FRMD4B: variants seen among roughly 807,000 people sequenced by gnomAD.
The protein encoded by FRMD4B is FERM domain containing 4B.
A neutral mutation model predicts 141.5 loss-of-function variants in FRMD4B; 74 were observed. The ratio of observed to expected loss-of-function variants is 0.52; its 90% CI spans 0.43 to 0.63. FRMD4B has a LOEUF of 0.63. Among genes scored for constraint, FRMD4B ranks in the 30% least tolerant of loss-of-function variants. The pLI, the probability that FRMD4B is intolerant of heterozygous loss-of-function variation, is 0.00. For synonymous variants in FRMD4B, 506 were observed against 467.9 expected (o/e 1.08, Z -1.05); for missense variants, 1,366 against 1,253.4 (o/e 1.09, Z -1.36).
At chr3:69,452,153 T>C (rs779699106) in intron 1 of FRMD4B, among the ~76,000 whole-genome samples, 9 of 152,264 alleles carry the variant, frequency 5.9e-5, no homozygotes, top group Admixed American at 6.5e-5. Context: ...ATTTACTAAG[T>C]GCCAGCCATG....
intron 1 of FRMD4B, among the ~76,000 whole-genome samples, chr3:69,448,312 G>A (rs746631523): frequency 6.6e-6 from 1 of 152,206 alleles, no homozygotes; most frequent in African/African-American, 2.4e-5. Context: ...TTACAGGCGT[G>A]AGACACCACG....
chr3:69,366,052 C>T (rs1272310752), intron 1 of FRMD4B, among the ~76,000 whole-genome samples: 1 of 138,342 alleles, frequency 7.2e-6, no homozygotes, highest in Non-Finnish European at 1.5e-5. Context: ...AAAACCCCAC[C>T]TCTACAAAAC....
intron 2 of FRMD4B, among the ~76,000 whole-genome samples, chr3:69,402,513 G>A (rs374631391): frequency 6.6e-6 from 1 of 152,138 alleles, no homozygotes; most frequent in Non-Finnish European, 1.5e-5. Flanking sequence ...GATCTTTAAT[G>A]ATATACTTTA....
At chr3:69,314,356 C>T (rs572260482) in intron 1 of FRMD4B, among the ~76,000 whole-genome samples, 3 of 149,646 alleles carry the variant, frequency 2.0e-5, no homozygotes, top group South Asian at 2.1e-4. Flanking sequence ...AGTGAAACCC[C>T]GTCTCTACTA....
intron 9 of FRMD4B, 25 bp from the exon 10 acceptor site, chr3:69,218,404 A>C: frequency 9.1e-7 from 1 of 1,096,412 alleles, no homozygotes; most frequent in African/African-American, 1.6e-5. Context: ...TATGTATCAC[A>C]ATCTTATTAA....
chr3:69,269,049 C>T (rs2093582329), intron 5 of FRMD4B, among the ~76,000 whole-genome samples: 1 of 151,416 alleles, frequency 6.6e-6, no homozygotes, highest in Admixed American at 6.6e-5. Flanking sequence ...CTGCCTTAGC[C>T]TCACGAGTAG....
chr3:69,237,411 T>C (rs1178138493), intron 7 of FRMD4B, among the ~76,000 whole-genome samples: 2 of 152,284 alleles, frequency 1.3e-5, no homozygotes, highest in Non-Finnish European at 2.9e-5. Flanking sequence ...AAGTGAGAAC[T>C]GAAAGAATTA....
intron 1 of FRMD4B, among the ~76,000 whole-genome samples, chr3:69,440,106 G>C (rs1184099214): frequency 6.6e-6 from 1 of 152,132 alleles, no homozygotes; most frequent in Non-Finnish European, 1.5e-5. Flanking sequence ...CCAAACTTGA[G>C]TGTGACTTTT....
chr3:69,447,947 C>T (rs1705435009), intron 1 of FRMD4B, among the ~76,000 whole-genome samples: 2 of 151,434 alleles, frequency 1.3e-5, no homozygotes, highest in Admixed American at 6.6e-5. Flanking sequence ...TTTATCCATT[C>T]ACCTTCTGAT....
intron 2 of FRMD4B, among the ~76,000 whole-genome samples, chr3:69,312,751 T>C (rs1701641912): frequency 1.3e-5 from 2 of 152,066 alleles, no homozygotes; most frequent in South Asian, 4.1e-4. Context: ...ATACAAAAAT[T>C]ACCCCGGCAA....
At chr3:69,288,236 T>C (rs1700756221) in intron 4 of FRMD4B, among the ~76,000 whole-genome samples, 1 of 152,250 alleles carries the variant, frequency 6.6e-6, no homozygotes, top group African/African-American at 2.4e-5. Context: ...AAGCACTACC[T>C]AACCGAACCC....
At chr3:69,501,070 A>G (rs761221000) in intron 1 of FRMD4B, among the ~76,000 whole-genome samples, 12 of 152,178 alleles carry the variant, frequency 7.9e-5, no homozygotes, top group Non-Finnish European at 1.5e-4. Flanking sequence ...ATCAGTAAAA[A>G]AATTTAAAAA....
chr3:69,496,242 A>C (rs1156343006), intron 1 of FRMD4B, among the ~76,000 whole-genome samples: 1 of 152,188 alleles, frequency 6.6e-6, no homozygotes, highest in African/African-American at 2.4e-5. Flanking sequence ...AGTTATTGTG[A>C]ATGCTTTGAA....
intron 2 of FRMD4B, among the ~76,000 whole-genome samples, chr3:69,420,418 A>C (rs1704955435): frequency 6.6e-6 from 1 of 152,092 alleles, no homozygotes; most frequent in Non-Finnish European, 1.5e-5. Context: ...TAGCCCTACA[A>C]AGTAAGCGTT....
At chr3:69,301,257 C>T (rs1157476249) in intron 4 of FRMD4B, among the ~76,000 whole-genome samples, 2 of 152,084 alleles carry the variant, frequency 1.3e-5, no homozygotes, top group Non-Finnish European at 2.9e-5. Context: ...ATAAGGAGGG[C>T]TTTCAGCTCA....
chr3:69,217,411 A>C (rs1209151541), intron 10 of FRMD4B, among the ~76,000 whole-genome samples: 1 of 152,162 alleles, frequency 6.6e-6, no homozygotes, highest in African/African-American at 2.4e-5. Flanking sequence ...ACCTGAGGTC[A>C]GGAGTTCAAG....
intron 9 of FRMD4B, among the ~76,000 whole-genome samples, chr3:69,220,373 T>C (rs191321624): frequency 9.2e-5 from 14 of 152,340 alleles, no homozygotes; most frequent in Admixed American, 2.6e-4. Flanking sequence ...TGTATATGTG[T>C]ACAGAAATGG....
chr3:69,411,047 C>T (rs937799510), intron 2 of FRMD4B, among the ~76,000 whole-genome samples: 1 of 152,050 alleles, frequency 6.6e-6, no homozygotes, highest in African/African-American at 2.4e-5. Context: ...CTAGAGATGG[C>T]ATCCCTGATT....
chr3:69,528,157 CAA>C (rs1446761441), intron 1 of FRMD4B, among the ~76,000 whole-genome samples: 1 of 152,120 alleles, frequency 6.6e-6, no homozygotes, highest in Non-Finnish European at 1.5e-5. Context: ...AAAAACTGCT[CAA>C]GTGTGATTTT....
Sources: gnomAD v4.1 joint callset for allele counts (sites outside exome capture counted in the v4.1 genomes callset) on GRCh38, gnomAD v4.1.1 for gene constraint, MANE v1.5 for transcripts, NCBI Gene and HGNC (gene_info 2026-07-23, HGNC 2026-07-21) for gene names.